NOL10: variants seen among roughly 807,000 people sequenced by gnomAD.
NOL10 encodes nucleolar protein 10.
NOL10 carries 58 observed loss-of-function variants against 103.5 expected under a neutral mutation model. That is an observed-to-expected ratio of 0.56 (90% CI 0.45 to 0.70). The LOEUF is 0.70. NOL10 is among the 30% of genes least tolerant of loss of function. NOL10 has a pLI of 0.00. For missense variants in NOL10, 763 were observed against 807.3 expected (o/e 0.95, Z 0.67); for synonymous variants, 287 against 282.5 (o/e 1.02, Z -0.16).
At chr2:10,624,304 C>G (rs115857992) in intron 13 of NOL10, among the ~76,000 whole-genome samples, 5,666 of 151,682 alleles carry the variant, frequency 0.037, 208 homozygotes, top group African/African-American at 0.094. Context: ...TGGTTTTCGT[C>G]GTGCCACTAC....
intron 11 of NOL10, among the ~76,000 whole-genome samples, chr2:10,655,223 A>G (rs950995149): frequency 6.6e-5 from 10 of 151,626 alleles, no homozygotes; most frequent in Admixed American, 3.3e-4. Flanking sequence ...AAAAAGAAAG[A>G]AAGGAAGAAA....
At position 10,600,853 on chromosome 2, in the gene NOL10, C is replaced by T; in HGVS notation, c.1422G>A (p.Lys474=). ...KQKSTWKKKV[K]SLPNILTDDR... ...ATTTGCCGATACTTTTTCACCTTAC[C>T]TTAACTTTCTTTTTCCATGTAGATT... Residue 474 remains lysine (K), a splice_region_variant and synonymous_variant, in exon 17 of 21, where the codon AAG becomes AAA. Coordinates refer to ENST00000381685, the MANE Select transcript of NOL10 (RefSeq NM_024894.4). 2 of 1,540,278 alleles carry T rather than the reference C, an allele frequency of 1.3e-6. No individual in the cohort carries two copies. Among genetic ancestry groups the T allele is most frequent in the Non-Finnish European group, 1.8e-6 (2 of 1,137,238 alleles).
intron 15 of NOL10, 80 bp from the exon 16 acceptor site, chr2:10,602,954 G>A: frequency 1.6e-6 from 2 of 1,247,240 alleles, no homozygotes; most frequent in Non-Finnish European, 2.3e-6. Context: ...CGACAGTTAT[G>A]CCAAAGAACA....
chr2:10,613,063 T>C (rs934275204), intron 13 of NOL10, among the ~76,000 whole-genome samples: 2 of 150,218 alleles, frequency 1.3e-5, no homozygotes, highest in African/African-American at 2.4e-5. Context: ...AAGAATCACA[T>C]GGAAAAAGGA....
chr2:10,637,073 G>A (rs1212488741), intron 13 of NOL10, among the ~76,000 whole-genome samples: 4 of 150,826 alleles, frequency 2.7e-5, no homozygotes, highest in Admixed American at 1.3e-4. Context: ...GTGGTGGTGC[G>A]TACCTGCAAT....
At position 10,577,750 on chromosome 2, in the gene NOL10, T is replaced by C; in HGVS notation, c.1845-12A>G. ...CTTCAAGGGTTTTGCTATGGGAAAT[T>C]CAAAAGAATGCCACATTAATCAAAA... On this transcript the variant is annotated splice_polypyrimidine_tract_variant and intron_variant, in intron 19 of 20. Coordinates refer to ENST00000381685, the MANE Select transcript of NOL10 (RefSeq NM_024894.4). 1 of 1,537,918 alleles carries C rather than the reference T, an allele frequency of 6.5e-7. No individual in the cohort carries two copies. Among genetic ancestry groups the C allele is most frequent in the Non-Finnish European group, 8.9e-7 (1 of 1,118,490 alleles).
intron 19 of NOL10, among the ~76,000 whole-genome samples, chr2:10,584,695 C>T (rs1386572517): frequency 6.6e-6 from 1 of 151,966 alleles, no homozygotes. Flanking sequence ...TTATATAGTT[C>T]TCAAAAAGGA....
intron 19 of NOL10, among the ~76,000 whole-genome samples, chr2:10,578,028 A>C (rs556363160): frequency 6.6e-6 from 1 of 152,296 alleles, no homozygotes; most frequent in East Asian, 1.9e-4. Context: ...ACTAAAATCA[A>C]TCATATTTCT....
chr2:10,672,335 TAAAA>T (rs1681006216), intron 5 of NOL10, among the ~76,000 whole-genome samples: 1 of 151,544 alleles, frequency 6.6e-6, no homozygotes, highest in African/African-American at 2.4e-5. Context: ...TCTCAAAAAA[TAAAA>T]AACAAAAAAT....
intron 13 of NOL10, among the ~76,000 whole-genome samples, chr2:10,636,799 A>AACAG (rs1553305863): frequency 6.6e-6 from 1 of 152,172 alleles, no homozygotes; most frequent in Non-Finnish European, 1.5e-5. Flanking sequence ...GTACCTCTCT[A>AACAG]ACAGACAACA....
intron 13 of NOL10, among the ~76,000 whole-genome samples, chr2:10,635,240 G>A (rs932220295): frequency 1.1e-4 from 17 of 152,170 alleles, no homozygotes; most frequent in Non-Finnish European, 5.9e-5. Context: ...TCCACTTGTG[G>A]AGTCATGTTG....
chr2:10,653,319 G>T (rs994462366), intron 12 of NOL10, among the ~76,000 whole-genome samples: 4 of 152,082 alleles, frequency 2.6e-5, no homozygotes, highest in Non-Finnish European at 5.9e-5. Context: ...TGGGAAGCCA[G>T]ATAGTGCCAG....
intron 12 of NOL10, among the ~76,000 whole-genome samples, chr2:10,651,212 G>C (rs1455111831): frequency 6.6e-6 from 1 of 152,074 alleles, no homozygotes; most frequent in Non-Finnish European, 1.5e-5. Flanking sequence ...GTGTCTCTTT[G>C]GGCTTCTATA....
chr2:10,587,174 TATATACAC>T (rs1675123590), intron 19 of NOL10, among the ~76,000 whole-genome samples: 1 of 63,730 alleles, frequency 1.6e-5, no homozygotes, highest in Non-Finnish European at 2.8e-5. Context: ...TATACACATA[TATATACAC>T]ATATATATAC....
intron 9 of NOL10, among the ~76,000 whole-genome samples, chr2:10,661,972 C>T (rs1352500810): frequency 6.6e-6 from 1 of 151,808 alleles, no homozygotes; most frequent in Non-Finnish European, 1.5e-5. Flanking sequence ...TATGACTATG[C>T]TTGTGTTCAC....
At chr2:10,679,482 A>C (rs1446545379) in intron 3 of NOL10, among the ~76,000 whole-genome samples, 3 of 152,182 alleles carry the variant, frequency 2.0e-5, no homozygotes, top group Non-Finnish European at 2.9e-5. Flanking sequence ...CAATGAGTGA[A>C]ACCCTGTCTC....
intron 20 of NOL10, among the ~76,000 whole-genome samples, chr2:10,574,473 G>C (rs966745673): frequency 6.6e-6 from 1 of 152,010 alleles, no homozygotes; most frequent in African/African-American, 2.4e-5. Flanking sequence ...CGGTGAAACC[G>C]TGTCTCTACT....
chr2:10,686,169 T>C (rs1238879771), intron 1 of NOL10, among the ~76,000 whole-genome samples: 2 of 152,150 alleles, frequency 1.3e-5, no homozygotes, highest in Non-Finnish European at 2.9e-5. Flanking sequence ...TGTCAGATGG[T>C]TATGTATGCC....
intron 3 of NOL10, among the ~76,000 whole-genome samples, chr2:10,680,353 A>G (rs142569853): frequency 1.0e-5 from 1 of 95,432 alleles, no homozygotes; most frequent in Non-Finnish European, 2.0e-5. Flanking sequence ...GAGAGGGAGA[A>G]GAGGGAGAGG....
Sources: allele counts gnomAD v4.1 joint callset (sites outside exome capture counted in the v4.1 genomes callset), GRCh38; gene constraint gnomAD v4.1.1; transcripts MANE v1.5; gene names NCBI Gene and HGNC (gene_info 2026-07-23, HGNC 2026-07-21).